SLC5A9: variants seen among roughly 807,000 people sequenced by gnomAD.
SLC5A9 encodes the protein solute carrier family 5 member 9.
Under a neutral mutation model 70.9 loss-of-function variants are expected in SLC5A9, and 59 were observed. That is an observed-to-expected ratio of 0.83 (90% CI 0.68 to 1.03). The LOEUF is 1.03. Ranked by LOEUF, SLC5A9 falls within the 50% of genes least tolerant of loss-of-function variation. SLC5A9 has a pLI of 0.00. For synonymous variants in SLC5A9, 340 were observed against 346.5 expected (o/e 0.98, Z 0.21); for missense variants, 832 against 881.1 (o/e 0.94, Z 0.71).
rs201001441 is a variant in SLC5A9, at chr1:48,244,122, A to AT, written c.1837+1514dup. Among the ~76,000 whole-genome samples, 911 of 152,294 alleles carry AT rather than the reference A, an allele frequency of 6.0e-3. 24 individuals carry two copies. The highest frequency in any genetic ancestry group is 0.052 in the South Asian group (249 of 4,820). ...GTGAAAAAACAGTAAAATCATTAAG[A>AT]TTTTTTTTAAAAAGAGGTCTCAGTG... On this transcript the variant is annotated intron_variant, in intron 13 of 13. Coordinates refer to ENST00000438567, the MANE Select transcript of SLC5A9 (RefSeq NM_001011547.3).
At chr1:48,235,248 C>T (rs1337830617) in intron 9 of SLC5A9, among the ~76,000 whole-genome samples, 1 of 152,178 alleles carries the variant, frequency 6.6e-6, no homozygotes, top group African/African-American at 2.4e-5. Flanking sequence ...ACCTCCCAAG[C>T]CAGGGCTTTA....
intron 6 of SLC5A9, 131 bp from the exon 7 acceptor site, chr1:48,231,815 C>G (rs1644251873): frequency 1.3e-6 from 2 of 1,526,202 alleles, no homozygotes; most frequent in South Asian, 2.6e-5. Context: ...AGCCCAAGCC[C>G]CATCTTCCTC....
rs377226169 is a variant in SLC5A9 at position 48,235,839 on chromosome 1, C to G, written c.1252C>G (p.Arg418Gly). Residue 418 changes from arginine (R) to glycine (G), a missense_variant, in exon 10 of 14, where the codon CGC becomes GGC. Arg to Gly is a moderately radical substitution (Grantham distance 125). Coordinates refer to ENST00000438567, the MANE Select transcript of SLC5A9 (RefSeq NM_001011547.3). ...LFTIDVWQRF[R>G]RKSTEQELMV... ...CACCATTGATGTGTGGCAGCGCTTC[C>G]GCAGGAAGTCAACAGAGCAGGAGCT... The G allele has an allele frequency of 5.0e-6, 8 of 1,614,094 alleles. No individual in the cohort carries two copies. The African/African-American group carries it at 6.7e-5, about 13-fold the overall frequency.
Position 48,235,711 on chromosome 1 carries a change from A to T in SLC5A9, c.1142-18A>T. ...CCTTAATGGGCCAGCCGTTCACATG[A>T]GCCTCGTCTCTCCCCAGGTCTGCGG... On this transcript the variant is annotated intron_variant, in intron 9 of 13. Transcript: ENST00000438567. 6.2e-7 allele frequency: 1 copy of T among 1,613,956 alleles called. No homozygotes were observed. Among genetic ancestry groups the T allele is most frequent in the Non-Finnish European group, 8.5e-7 (1 of 1,179,900 alleles).
intron 13 of SLC5A9, 151 bp downstream of exon 13, chr1:48,242,767 A>C: frequency 1.3e-6 from 1 of 743,496 alleles, no homozygotes; most frequent in Non-Finnish European, 2.0e-6. Flanking sequence ...TATTTGAAAA[A>C]TAAGACAAAT....
chr1:48,233,726 G>A lies in SLC5A9; in HGVS notation c.1105G>A (p.Ala369Thr). The A allele has an allele frequency of 1.2e-6, 2 of 1,614,012 alleles. No homozygotes were observed. Among genetic ancestry groups the A allele is most frequent in the Non-Finnish European group, 1.7e-6 (2 of 1,179,980 alleles). Residue 369 changes from alanine (A) to threonine (T), a missense_variant, in exon 9 of 14, where the codon GCC (alanine) becomes ACC (threonine). By Grantham distance (58) the Ala-to-Thr change is moderately conservative. Transcript: ENST00000438567. ...CGARVGCSNI[A>T]YPKLVMALMP... Reference sequence around the variant, plus strand: ...GGCCCGAGTGGGATGTTCCAACATTGCCTACCCTAAGTTGGTCATGGCCCT... The same window carrying A: ...GGCCCGAGTGGGATGTTCCAACATTACCTACCCTAAGTTGGTCATGGCCCT...
chr1:48,242,560 G>T lies in SLC5A9; in HGVS notation c.1781G>T (p.Cys594Phe), dbSNP rs1277856451. 1.9e-6 allele frequency: 3 copies of T among 1,613,558 alleles called. No individual in the cohort carries two copies. The highest frequency in any genetic ancestry group is 3.3e-5 in the Admixed American group (2 of 59,994). ...PEISERPAGE[C>F]PAGGGAAENS... Reference sequence around the variant, plus strand: ...ATATCCGAGAGGCCAGCCGGGGAGTGCCCTGCAGGAGGTGGAGCGGCAGAG... The same window carrying T: ...ATATCCGAGAGGCCAGCCGGGGAGTTCCCTGCAGGAGGTGGAGCGGCAGAG... The change falls in exon 13 of 14, where the codon TGC (cysteine) becomes TTC (phenylalanine). Residue 594 changes from cysteine (C) to phenylalanine (F), a missense_variant. Transcript: ENST00000438567.
intron 4 of SLC5A9, among the ~76,000 whole-genome samples, chr1:48,230,294 T>C (rs1190817962): frequency 6.6e-6 from 1 of 152,174 alleles, no homozygotes; most frequent in African/African-American, 2.4e-5. Context: ...CCCAGCACCT[T>C]CCTTCACTTC....
At chr1:48,231,769 G>A (rs1644251232) in intron 6 of SLC5A9, 144 bp downstream of exon 6, 43 of 1,506,940 alleles carry the variant, frequency 2.9e-5, no homozygotes, top group Non-Finnish European at 3.7e-5. Flanking sequence ...AGCTCCCAAA[G>A]AGCAGGGTTC....
Position 48,248,032 on chromosome 1 carries a change from A to C in SLC5A9, c.*489A>C, listed in dbSNP as rs1480468578. On this transcript the variant is annotated 3_prime_UTR_variant, in exon 14 of 14. Transcript: ENST00000438567. ...TTCTCACCAATAATCTCTTTGTTGC[A>C]TGAATTTACCCAGGAGAGTCCTATA... 1.2e-5 allele frequency: 2 copies of C among 163,450 alleles called. No homozygotes were observed. Among genetic ancestry groups the C allele is most frequent in the Non-Finnish European group, 2.7e-5 (2 of 73,714 alleles). 10.1% of individuals were successfully genotyped at this position (163,450 alleles called of 1,614,324 possible).
chr1:48,246,564 T>C lies in SLC5A9; in HGVS notation c.1838-771T>C, dbSNP rs558517736. ...TATTTACCTTATTACTTCTTTTGAA[T>C]TTAGTTTTTAGTGAATTGTGCTACC... On this transcript the variant is annotated intron_variant, in intron 13 of 13. Transcript: ENST00000438567. Among the ~76,000 whole-genome samples, 9 of 152,342 alleles carry C rather than the reference T, an allele frequency of 5.9e-5. No individual in the cohort carries two copies. In the East Asian group the frequency reaches 1.7e-3, roughly 29 times the overall value.
At chr1:48,243,240 G>T (rs114180769) in intron 13 of SLC5A9, among the ~76,000 whole-genome samples, 2 of 152,076 alleles carry the variant, frequency 1.3e-5, no homozygotes, top group South Asian at 4.1e-4. Flanking sequence ...ATACAGAAGC[G>T]TGGTTGTCCC....
chr1:48,234,717 C>G lies in SLC5A9; in HGVS notation c.1141+955C>G, dbSNP rs546915203. ...TGGAGGGCAGCAGAGTAGAGTTATT[C>G]CCTCCCTGTGGTAGAAGGAGGAGTG... On this transcript the variant is annotated intron_variant, in intron 9 of 13. Transcript: ENST00000438567. Among the ~76,000 whole-genome samples, 4 of 152,184 alleles carry G rather than the reference C, an allele frequency of 2.6e-5. No individual in the cohort carries two copies. The South Asian group carries it at 8.3e-4, about 32-fold the overall frequency.
intron 6 of SLC5A9, 66 bp downstream of exon 6, chr1:48,231,691 C>T: frequency 6.3e-7 from 1 of 1,586,212 alleles, no homozygotes; most frequent in Admixed American, 1.8e-5. Flanking sequence ...GTCTCTGCCA[C>T]CTCCACAGTT....
chr1:48,238,224 C>T (rs970018440), intron 11 of SLC5A9, among the ~76,000 whole-genome samples: 9 of 152,014 alleles, frequency 5.9e-5, no homozygotes, highest in African/African-American at 2.2e-4. Context: ...TGAGCTGAGG[C>T]CTGAAGGATT....
chr1:48,226,894 T>C (rs1644155173), intron 2 of SLC5A9, among the ~76,000 whole-genome samples: 1 of 152,162 alleles, frequency 6.6e-6, no homozygotes, highest in Non-Finnish European at 1.5e-5. Flanking sequence ...GACTGGGTGG[T>C]TCAGCCCAGC....
intron 3 of SLC5A9, 58 bp from the exon 4 acceptor site, chr1:48,229,236 GC>G (rs1644210285): frequency 1.2e-6 from 2 of 1,613,892 alleles, no homozygotes. Context: ...TGGGTGGGAA[GC>G]CGCCCCTCTG....
chr1:48,226,987 G>T (rs1644156828), intron 2 of SLC5A9, among the ~76,000 whole-genome samples: 2 of 151,476 alleles, frequency 1.3e-5, no homozygotes, highest in African/African-American at 4.9e-5. Context: ...CCATGTGTGA[G>T]TATGTATGCA....
chr1:48,225,346 A>G (rs1644129300), intron 2 of SLC5A9, among the ~76,000 whole-genome samples: 1 of 152,052 alleles, frequency 6.6e-6, no homozygotes, highest in East Asian at 1.9e-4. Context: ...TTCTCCCATC[A>G]AGCCACACCA....
Sources: gnomAD v4.1 joint callset for allele counts (sites outside exome capture counted in the v4.1 genomes callset) on GRCh38, gnomAD v4.1.1 for gene constraint, MANE v1.5 for transcripts, NCBI Gene and HGNC (gene_info 2026-07-23, HGNC 2026-07-21) for gene names.